The following FREM1 variants were observed in gnomAD, a reference collection of about 807,000 sequenced individuals.
FREM1 encodes FRAS1-related extracellular matrix protein 1.
A neutral mutation model predicts 210.1 loss-of-function variants in FREM1; 220 were observed. That is an observed-to-expected ratio of 1.05 (90% CI 0.94 to 1.17). FREM1 has a LOEUF of 1.17. Ranked by LOEUF, FREM1 falls within the 50% of genes most tolerant of loss-of-function variation. The pLI is 0.00. For synonymous variants in FREM1, 1,189 were observed against 980.2 expected (o/e 1.21, Z -3.98); for missense variants, 3,454 against 2,675.5 (o/e 1.29, Z -6.42).
intron 3 of FREM1, among the ~76,000 whole-genome samples, chr9:14,860,807 A>T (rs1388322556): frequency 6.7e-5 from 8 of 120,012 alleles, no homozygotes; most frequent in East Asian, 2.8e-4. Context: ...ACACATATAT[A>T]CATATATACA....
Position 14,885,711 on chromosome 9 carries a change from C to T in FREM1, c.-267-16467G>A, listed in dbSNP as rs551843806. On this transcript the variant is annotated intron_variant, in intron 1 of 36. Transcript: ENST00000380880. The stretch of plus-strand genomic sequence containing the variant: ...TTCTGGGATTACAGGTGTGAGCCAC[C>T]AGGTTAATGACTTAATTTAGCTGTT... Among the ~76,000 whole-genome samples, 1,351 of 146,562 alleles carry T rather than the reference C, an allele frequency of 9.2e-3. 27 individuals carry two copies. Among genetic ancestry groups the T allele is most frequent in the African/African-American group, 0.031 (1,269 of 40,292 alleles).
At chr9:14,882,570 T>C (rs1415441270) in intron 1 of FREM1, among the ~76,000 whole-genome samples, 1 of 151,268 alleles carries the variant, frequency 6.6e-6, no homozygotes, top group African/African-American at 2.4e-5. Context: ...TTCTCCTGCC[T>C]CAGCCTCCCT....
chr9:14,777,802 GATA>G (rs1394962917), intron 24 of FREM1, among the ~76,000 whole-genome samples: 3 of 152,120 alleles, frequency 2.0e-5, no homozygotes, highest in Non-Finnish European at 2.9e-5. Context: ...GAAGCTATTA[GATA>G]GTGTGAAAGC....
chr9:14,780,431 C>CAAAAAAAAAAAAAAAAAA (rs1346003658), intron 24 of FREM1, among the ~76,000 whole-genome samples: 1 of 48,798 alleles, frequency 2.0e-5, no homozygotes, highest in Non-Finnish European at 4.6e-5. Flanking sequence ...GCCAGCTCCT[C>CAAAAAAAAAAAAAAAAAA]AGAAAAAAAA....
In FREM1 at chr9:14,777,528, C is replaced by T. The variant is rs540689940; in HGVS notation, c.4443-1325G>A. 1.1e-4 allele frequency among the ~76,000 whole-genome samples: 17 copies of T among 152,268 alleles called. No homozygotes were observed. The South Asian group carries it at 2.9e-3, about 26-fold the overall frequency. On this transcript the variant is annotated intron_variant, in intron 24 of 36. Transcript: ENST00000380880. ...TGGAAATATTCGTAGAGGATGCACT[C>T]TTCTATTCCACCGATACAAAAACCT...
chr9:14,828,787 T>C (rs1822990038), intron 10 of FREM1, among the ~76,000 whole-genome samples: 2 of 152,180 alleles, frequency 1.3e-5, no homozygotes, highest in African/African-American at 4.8e-5. Flanking sequence ...AGCATACTTA[T>C]TCTAATGTTT....
In FREM1 at chr9:14,860,612, C is replaced by T. The variant is rs1253330768; in HGVS notation, c.330-1128G>A. Among the ~76,000 whole-genome samples the T allele has an allele frequency of 3.2e-3, 341 of 105,406 alleles. 26 individuals carry two copies. The highest frequency in any genetic ancestry group is 0.013 in the African/African-American group (296 of 22,090). 69.2% of individuals were successfully genotyped at this position (105,406 alleles called of 152,430 possible). On this transcript the variant is annotated intron_variant, in intron 3 of 36. Transcript: ENST00000380880. Reference sequence around the variant, plus strand: ...ATATATACATATATACACATATATACACACATATATATACACATATATACA... The same window carrying T: ...ATATATACATATATACACATATATATACACATATATATACACATATATACA...
At chr9:14,873,568 T>C (rs1237238131) in intron 1 of FREM1, among the ~76,000 whole-genome samples, 1 of 152,154 alleles carries the variant, frequency 6.6e-6, no homozygotes, top group African/African-American at 2.4e-5. Flanking sequence ...CTTTTCTTCA[T>C]TAGTCTTGCT....
intron 19 of FREM1, among the ~76,000 whole-genome samples, chr9:14,804,262 A>C (rs558090130): frequency 1.3e-5 from 2 of 152,170 alleles, no homozygotes; most frequent in Admixed American, 6.5e-5. Flanking sequence ...TTCACTCTCC[A>C]GTAGTCTCTC....
rs143534893 is a variant in FREM1 at position 14,755,433 on chromosome 9, G to T, written c.5407+941C>A. On this transcript the variant is annotated intron_variant, in intron 29 of 36. Transcript: ENST00000380880. ...AGTATGCAGAACATCTCCTTGGCAG[G>T]AAAGCACAAAGCCACAGTCCTGTCT... Among the ~76,000 whole-genome samples, 202 of 152,258 alleles carry T rather than the reference G, an allele frequency of 1.3e-3. 1 individual carries two copies. The highest frequency in any genetic ancestry group is 4.5e-3 in the African/African-American group (187 of 41,560).
intron 10 of FREM1, among the ~76,000 whole-genome samples, chr9:14,839,093 G>T (rs1324980621): frequency 6.6e-6 from 1 of 152,162 alleles, no homozygotes; most frequent in Admixed American, 6.5e-5. Flanking sequence ...TAAGGATTTG[G>T]TTAATCACCT....
intron 5 of FREM1, among the ~76,000 whole-genome samples, 163 bp from the exon 6 acceptor site, chr9:14,851,770 T>G (rs999205962): frequency 6.6e-6 from 1 of 152,180 alleles, no homozygotes; most frequent in African/African-American, 2.4e-5. Flanking sequence ...AAACACATGC[T>G]GGTACCTAGG....
At chr9:14,796,785 A>G (rs1226218824) in intron 21 of FREM1, among the ~76,000 whole-genome samples, 2 of 152,072 alleles carry the variant, frequency 1.3e-5, no homozygotes, top group African/African-American at 2.4e-5. Flanking sequence ...CATGATTGTA[A>G]GTTTCCTGAG....
intron 13 of FREM1, among the ~76,000 whole-genome samples, chr9:14,821,063 G>T (rs2130752576): frequency 6.6e-6 from 1 of 152,250 alleles, no homozygotes; most frequent in African/African-American, 2.4e-5. Context: ...TTAGTCATTA[G>T]CTTTTTAATT....
chr9:14,873,980 G>C (rs1588518764), intron 1 of FREM1, among the ~76,000 whole-genome samples: 1 of 152,148 alleles, frequency 6.6e-6, no homozygotes, highest in Non-Finnish European at 1.5e-5. Context: ...GAGTGGTTTT[G>C]AGTGAGTTTC....
intron 1 of FREM1, among the ~76,000 whole-genome samples, chr9:14,888,652 A>C (rs1326618601): frequency 1.3e-5 from 2 of 152,178 alleles, no homozygotes; most frequent in African/African-American, 4.8e-5. Context: ...TTTTAAATCA[A>C]TTAAATGTGT....
At chr9:14,761,170 T>C (rs546032287) in intron 27 of FREM1, among the ~76,000 whole-genome samples, 3 of 152,296 alleles carry the variant, frequency 2.0e-5, no homozygotes, top group East Asian at 3.9e-4. Flanking sequence ...GCCATTCATA[T>C]TAGGGAGGAA....
At chr9:14,902,080 A>C (rs1838887606) in intron 1 of FREM1, among the ~76,000 whole-genome samples, 1 of 151,852 alleles carries the variant, frequency 6.6e-6, no homozygotes, top group Admixed American at 6.6e-5. Flanking sequence ...TCCTGGGCTC[A>C]AACTATCTGC....
intron 35 of FREM1, 120 bp from the exon 36 acceptor site, chr9:14,740,354 A>G (rs1841330333): frequency 1.4e-6 from 1 of 717,732 alleles, no homozygotes; most frequent in South Asian, 1.8e-5. Flanking sequence ...CTTTAAAAAA[A>G]CTTTCTAAGA....
Sources: allele counts gnomAD v4.1 joint callset (sites outside exome capture counted in the v4.1 genomes callset), GRCh38; gene constraint gnomAD v4.1.1; transcripts MANE v1.5; gene names NCBI Gene and HGNC (gene_info 2026-07-23, HGNC 2026-07-21).